EMG1: variants seen among roughly 807,000 people sequenced by gnomAD.
EMG1 encodes the protein EMG1 N1-specific pseudouridine methyltransferase.
In EMG1, 24 loss-of-function variants were observed where a neutral mutation model predicts 26.9. That is an observed-to-expected ratio of 0.89 (90% CI 0.65 to 1.26). The LOEUF (loss-of-function observed/expected upper bound fraction) is 1.26, where lower values mean the gene tolerates loss of function less well. EMG1 is among the 50% of genes most tolerant of loss of function. The pLI is 0.00. For synonymous variants in EMG1, 140 were observed against 112.6 expected (o/e 1.24, Z -1.54); for missense variants, 299 against 307.6 (o/e 0.97, Z 0.21).
chr12:6,976,817 A>G lies in EMG1; in HGVS notation c.*1008A>G, dbSNP rs1282729564. 2 of 206,042 alleles carry G rather than the reference A, an allele frequency of 9.7e-6. No homozygotes were observed. The highest frequency in any genetic ancestry group is 2.3e-5 in the African/African-American group (1 of 43,246). The allele number at this position is 206,042 out of a possible 1,614,324, so 12.8% of individuals were successfully genotyped here. A position where few individuals can be genotyped will look rare whatever the true frequency, so the allele number is the denominator to read the frequency against. ...GATCTTCCACCTCCCTGGCTTTTCCATTCTCTGCTCTGGGGCAAAGGAGTG... is the reference window on the plus strand; with the variant it reads ...GATCTTCCACCTCCCTGGCTTTTCCGTTCTCTGCTCTGGGGCAAAGGAGTG... On this transcript the variant is annotated 3_prime_UTR_variant, in exon 6 of 6. Transcript: ENST00000599672.
rs1420618829 is a variant in EMG1, at chr12:6,976,232, G to A, written c.*423G>A. 1 of 157,466 alleles carries A rather than the reference G, an allele frequency of 6.4e-6. No individual in the cohort carries two copies. Among genetic ancestry groups the A allele is most frequent in the African/African-American group, 2.4e-5 (1 of 41,516 alleles). 9.8% of individuals were successfully genotyped at this position (157,466 alleles called of 1,614,324 possible). A position where few individuals can be genotyped will look rare whatever the true frequency, so the allele number is the denominator to read the frequency against. Reference sequence around the variant, plus strand: ...TGATTTTATCTAATACAGTTCCAAGGTAGAAAAAGTGGAGCAGGCAGGGCC... The same window carrying A: ...TGATTTTATCTAATACAGTTCCAAGATAGAAAAAGTGGAGCAGGCAGGGCC... On this transcript the variant is annotated 3_prime_UTR_variant, in exon 6 of 6. Coordinates refer to ENST00000599672, the MANE Select transcript of EMG1 (RefSeq NM_006331.8).
downstream of EMG1, among the ~76,000 whole-genome samples, chr12:6,989,435 C>T (rs989347297): frequency 1.4e-4 from 21 of 151,518 alleles, no homozygotes; most frequent in African/African-American, 4.4e-4. Context: ...TCAGCCTCTC[C>T]GAGTAGCTGG....
At chr12:6,971,215 T>G in intron 1 of EMG1, 124 bp downstream of exon 1, 1 of 744,118 alleles carries the variant, frequency 1.3e-6, no homozygotes, top group Non-Finnish European at 2.2e-6. Context: ...TGAAGGAAGG[T>G]GGCTTGGTTG....
Position 6,976,502 on chromosome 12 carries a change from A to G in EMG1, c.*693A>G, listed in dbSNP as rs1555153215. ...CACTTTGGGAGGCGGAGGCGGGTGG[A>G]TCACTTGCGGTCAGGAGTTCGAGAC... is the stretch of plus-strand genomic sequence containing the variant. On this transcript the variant is annotated 3_prime_UTR_variant, in exon 6 of 6. Transcript: ENST00000599672. 6.5e-6 allele frequency: 1 copy of G among 153,116 alleles called. No homozygotes were observed. Among genetic ancestry groups the G allele is most frequent in the African/African-American group, 2.4e-5 (1 of 41,408 alleles). The allele number at this position is 153,116 out of a possible 1,614,324, so 9.5% of individuals were successfully genotyped here.
In EMG1 at chr12:6,977,622, G is replaced by A; in HGVS notation, c.*1813G>A. ...CCTGTCTTTCCACAATAACAATGAG[G>A]AATTCCATCTGGAAGCAGACCAGGT... is the stretch of plus-strand genomic sequence containing the variant. On this transcript the variant is annotated 3_prime_UTR_variant, in exon 6 of 6. Coordinates refer to ENST00000599672, the MANE Select transcript of EMG1 (RefSeq NM_006331.8). This position sits in a 1 kb window ranked among gnomAD's most constrained non-coding sequence, Gnocchi z 4.5. 6.2e-7 allele frequency: 1 copy of A among 1,614,168 alleles called. No homozygotes were observed. The highest frequency in any genetic ancestry group is 8.5e-7 in the Non-Finnish European group (1 of 1,180,038).
rs1382949895 is a variant in EMG1, at chr12:6,979,736, A to T, written c.*3927A>T. On this transcript the variant is annotated 3_prime_UTR_variant, in exon 6 of 6. Coordinates refer to ENST00000599672, the MANE Select transcript of EMG1 (RefSeq NM_006331.8). The stretch of plus-strand genomic sequence containing the variant: ...GCCCAAAGTGTTTCCTGTTTCAGGG[A>T]AAGATTTCTATGGCTGGCTATGAGG... 2.1e-5 allele frequency: 13 copies of T among 619,006 alleles called. No homozygotes were observed. The highest frequency in any genetic ancestry group is 3.5e-5 in the Non-Finnish European group (12 of 346,022). 38.3% of individuals were successfully genotyped at this position (619,006 alleles called of 1,614,324 possible).
Position 6,979,878 on chromosome 12 carries a change from A to C in EMG1, c.*4069A>C. On this transcript the variant is annotated 3_prime_UTR_variant, in exon 6 of 6. Coordinates refer to ENST00000599672, the MANE Select transcript of EMG1 (RefSeq NM_006331.8). Reference sequence around the variant, plus strand: ...ATCTCAAGGTCTTGCCAGGTCTCACAATCTCCATTGGGACTGAAAACCCAG... The same window carrying C: ...ATCTCAAGGTCTTGCCAGGTCTCACCATCTCCATTGGGACTGAAAACCCAG... 2.8e-6 allele frequency: 1 copy of C among 357,296 alleles called. No homozygotes were observed. The highest frequency in any genetic ancestry group is 5.7e-5 in the South Asian group (1 of 17,530). The allele number at this position is 357,296 out of a possible 1,614,324, so 22.1% of individuals were successfully genotyped here. A position where few individuals can be genotyped will look rare whatever the true frequency, so the allele number is the denominator to read the frequency against.
downstream of EMG1, chr12:6,983,014 C>T: frequency 3.3e-6 from 2 of 597,986 alleles, no homozygotes; most frequent in Non-Finnish European, 3.1e-6. Flanking sequence ...ATGCGACTTG[C>T]TCTGTTGTCC....
At chr12:6,989,901 G>C (rs1946571262), downstream of EMG1, among the ~76,000 whole-genome samples, 1 of 152,132 alleles carries the variant, frequency 6.6e-6, no homozygotes, top group Non-Finnish European at 1.5e-5. Context: ...GGCTGGGAGT[G>C]GTGGCTCACA....
intron 7 of EMG1, among the ~76,000 whole-genome samples, chr12:6,996,556 T>A (rs782773079): frequency 6.6e-6 from 1 of 152,334 alleles, no homozygotes; most frequent in African/African-American, 2.4e-5. Flanking sequence ...GTACACAAAA[T>A]TTCTCAAAAA....
chr12:6,987,120 A>AAG lies in EMG1; in HGVS notation c.*155-660_*155-659dup, dbSNP rs1157842474. Among the ~76,000 whole-genome samples, 1 of 152,050 alleles carries AAG rather than the reference A, an allele frequency of 6.6e-6. No individual in the cohort carries two copies. The highest frequency in any genetic ancestry group is 2.4e-5 in the African/African-American group (1 of 41,326). Reference sequence around the variant, plus strand: ...GAGCAAGATTCTGTCTCAAAAAAAAAAGAAAAAAAAGTTTTATGAGGATTT... The same window carrying AAG: ...GAGCAAGATTCTGTCTCAAAAAAAAAAGAGAAAAAAAAGTTTTATGAGGATTT... On this transcript the variant is annotated intron_variant and NMD_transcript_variant, in intron 6 of 7. Coordinates refer to the EMG1 transcript ENST00000261406. This position sits in a 1 kb window ranked among gnomAD's most constrained non-coding sequence, Gnocchi z 4.1.
Position 6,975,900 on chromosome 12 carries a change from C to T in EMG1, c.*91C>T. On this transcript the variant is annotated 3_prime_UTR_variant, in exon 6 of 6. Transcript: ENST00000599672. Reference sequence around the variant, plus strand: ...TGACTGCTGGAAGATGATCTTTCTGCACTGAGACTGTGGAGTTTGGGGAAG... The same window carrying T: ...TGACTGCTGGAAGATGATCTTTCTGTACTGAGACTGTGGAGTTTGGGGAAG... 1 of 787,628 alleles carries T rather than the reference C, an allele frequency of 1.3e-6. No homozygotes were observed. 48.8% of individuals were successfully genotyped at this position (787,628 alleles called of 1,614,324 possible). A position where few individuals can be genotyped will look rare whatever the true frequency, so the allele number is the denominator to read the frequency against.
intron 1 of EMG1, among the ~76,000 whole-genome samples, chr12:6,972,991 C>T (rs923536010): frequency 2.7e-5 from 4 of 150,008 alleles, no homozygotes; most frequent in Admixed American, 1.3e-4. Context: ...GCAAATGGCA[C>T]TGCGCCTGGC....
chr12:6,982,703 G>A (rs373743830), downstream of EMG1: 102 of 1,613,476 alleles, frequency 6.3e-5, no homozygotes, highest in Non-Finnish European at 5.4e-5. Flanking sequence ...TAGTGAGGAC[G>A]GCAGTGATGG....
chr12:6,990,688 C>T (rs782424912), downstream of EMG1, among the ~76,000 whole-genome samples: 7 of 150,942 alleles, frequency 4.6e-5, no homozygotes, highest in South Asian at 4.2e-4. Context: ...TTTGGGAGGC[C>T]GAGGTGGGTG....
chr12:6,984,416 G>A (rs1946501745), downstream of EMG1, among the ~76,000 whole-genome samples: 1 of 152,196 alleles, frequency 6.6e-6, no homozygotes, highest in Non-Finnish European at 1.5e-5. Flanking sequence ...CTCACCTTCA[G>A]TGTTCTATCT....
At chr12:6,983,614 G>T, downstream of EMG1, 1 of 871,024 alleles carries the variant, frequency 1.1e-6, no homozygotes. Flanking sequence ...AGTTTATCTG[G>T]CATGAAACGC....
At position 6,975,346 on chromosome 12, in the gene EMG1, G is replaced by T. The variant is rs1326057506; in HGVS notation, c.589G>T (p.Val197Phe). ...RELVPSSDPIVFVVGAFAHGK... is the reference protein window; with the variant it reads ...RELVPSSDPIFFVVGAFAHGK... ...GCTGGTGCCCAGCAGTGATCCTATT[G>T]TTTTTGTGGTAGGGGCCTTTGCCCA... The change falls in exon 5 of 6, where the codon GTT becomes TTT. Residue 197 changes from valine to phenylalanine, a missense_variant. By Grantham distance (50) the Val-to-Phe change is conservative. Coordinates refer to ENST00000599672, the MANE Select transcript of EMG1 (RefSeq NM_006331.8). 5 of 1,605,558 alleles carry T rather than the reference G, an allele frequency of 3.1e-6. No individual in the cohort carries two copies. The African/African-American group carries it at 6.7e-5, about 21-fold the overall frequency.
chr12:6,975,528 G>A (rs1233142680), intron 5 of EMG1, 150 bp downstream of exon 5: 2 of 1,014,222 alleles, frequency 2.0e-6, no homozygotes, highest in Non-Finnish European at 3.0e-6. Flanking sequence ...TTTGAGGGCT[G>A]CTGCCATAAT....
Sources: allele counts gnomAD v4.1 joint callset (sites outside exome capture counted in the v4.1 genomes callset), GRCh38; gene constraint gnomAD v4.1.1; non-coding constraint Gnocchi (gnomAD v3.1); transcripts MANE v1.5; gene names NCBI Gene and HGNC (gene_info 2026-07-23, HGNC 2026-07-21).